MACROD2: variants seen among roughly 807,000 people sequenced by gnomAD.
MACROD2 encodes ADP-ribose glycohydrolase MACROD2.
MACROD2 carries 36 observed loss-of-function variants against 70.4 expected under a neutral mutation model. The observed-to-expected ratio is 0.51, with a 90% CI of 0.39 to 0.68. The LOEUF is 0.68. Among genes scored for constraint, MACROD2 ranks in the 30% least tolerant of loss-of-function variants. The pLI is 0.00. For synonymous variants in MACROD2, 172 were observed against 178.8 expected (o/e 0.96, Z 0.30); for missense variants, 496 against 538.4 (o/e 0.92, Z 0.78).
At chr20:14,250,403 A>T (rs1025995507) in intron 3 of MACROD2, among the ~76,000 whole-genome samples, 2 of 152,014 alleles carry the variant, frequency 1.3e-5, no homozygotes, top group African/African-American at 4.8e-5. Flanking sequence ...GATAACCATT[A>T]TTAATTTCTT....
At chr20:15,645,483 C>G (rs1296233835) in intron 8 of MACROD2, among the ~76,000 whole-genome samples, 1 of 152,142 alleles carries the variant, frequency 6.6e-6, no homozygotes, top group Non-Finnish European at 1.5e-5. Flanking sequence ...TCTGCAAATC[C>G]TTTTTCTCTG....
At chr20:14,938,341 C>G (rs2074359474) in intron 5 of MACROD2, among the ~76,000 whole-genome samples, 1 of 152,066 alleles carries the variant, frequency 6.6e-6, no homozygotes, top group African/African-American at 2.4e-5. Flanking sequence ...TTCTTTAGAT[C>G]CTTGTCAGCA....
chr20:14,666,230 A>C (rs2123548244), intron 4 of MACROD2, among the ~76,000 whole-genome samples: 1 of 152,300 alleles, frequency 6.6e-6, no homozygotes, highest in Admixed American at 6.5e-5. Flanking sequence ...AGAACTTACA[A>C]CAGGGTAAAA....
chr20:14,009,845 T>C (rs2052876214), intron 2 of MACROD2, among the ~76,000 whole-genome samples: 1 of 152,144 alleles, frequency 6.6e-6, no homozygotes, highest in Non-Finnish European at 1.5e-5. Flanking sequence ...TGGAAGCCAT[T>C]ATGCTCGACA....
intron 4 of MACROD2, among the ~76,000 whole-genome samples, chr20:14,532,425 G>A (rs1488727746): frequency 4.0e-5 from 6 of 150,290 alleles, no homozygotes; most frequent in Non-Finnish European, 3.0e-5. Context: ...GGGTTTCACC[G>A]TGTTAGCCAG....
intron 6 of MACROD2, among the ~76,000 whole-genome samples, chr20:15,311,575 C>T (rs551831763): frequency 1.2e-4 from 19 of 152,188 alleles, no homozygotes; most frequent in Admixed American, 6.5e-4. Context: ...AAACGTGGTA[C>T]GTATATACCA....
chr20:16,030,001 C>T (rs568604043), intron 15 of MACROD2, among the ~76,000 whole-genome samples: 2 of 152,260 alleles, frequency 1.3e-5, no homozygotes, highest in South Asian at 2.1e-4. Flanking sequence ...GAGCCACCTT[C>T]GCTCTCTGAC....
At chr20:14,679,695 A>G (rs113897736) in intron 4 of MACROD2, among the ~76,000 whole-genome samples, 2 of 152,124 alleles carry the variant, frequency 1.3e-5, no homozygotes, top group South Asian at 4.2e-4. Flanking sequence ...TTTTGAGCAT[A>G]GAATTGATAC....
chr20:16,035,130 TATATATTATATATTATATATAAAA>T (rs2067211270), intron 15 of MACROD2, among the ~76,000 whole-genome samples: 2 of 2,430 alleles, frequency 8.2e-4, no homozygotes, highest in Non-Finnish European at 3.1e-3. Context: ...TATAAAATAT[TATATATTATATATTATATATAAAA>T]TATAATATAA....
At chr20:15,790,524 G>C (rs2063614199) in intron 8 of MACROD2, among the ~76,000 whole-genome samples, 1 of 151,898 alleles carries the variant, frequency 6.6e-6, no homozygotes, top group Non-Finnish European at 1.5e-5. Context: ...AAATGAGCAA[G>C]AGTCAGATTA....
chr20:14,993,543 A>G (rs182689425), intron 5 of MACROD2, among the ~76,000 whole-genome samples: 12 of 152,328 alleles, frequency 7.9e-5, no homozygotes, highest in Non-Finnish European at 1.2e-4. Flanking sequence ...AGATAAAACA[A>G]TTATAAACTG....
chr20:15,432,695 G>A (rs2046377949), intron 7 of MACROD2, among the ~76,000 whole-genome samples: 1 of 150,978 alleles, frequency 6.6e-6, no homozygotes. Context: ...TTCTTTCATT[G>A]CAATCTTGAT....
intron 13 of MACROD2, among the ~76,000 whole-genome samples, chr20:15,977,093 C>T (rs1005731981): frequency 6.6e-6 from 1 of 152,086 alleles, no homozygotes; most frequent in South Asian, 2.1e-4. Flanking sequence ...TTGGCCTTTT[C>T]CCCTCTCTGG....
intron 3 of MACROD2, among the ~76,000 whole-genome samples, chr20:14,407,985 A>G (rs73901246): frequency 0.016 from 2,377 of 152,296 alleles, 60 homozygotes; most frequent in African/African-American, 0.053. Context: ...TGGAAAGAGC[A>G]GGCCCTGAAA....
intron 4 of MACROD2, among the ~76,000 whole-genome samples, chr20:14,649,402 T>G (rs1985560545): frequency 6.6e-6 from 1 of 152,164 alleles, no homozygotes; most frequent in Non-Finnish European, 1.5e-5. Flanking sequence ...TGATAGCAAT[T>G]TAAGTCTTCA....
intron 3 of MACROD2, among the ~76,000 whole-genome samples, chr20:14,487,086 A>G (rs527478092): frequency 1.3e-5 from 2 of 152,176 alleles, no homozygotes; most frequent in Non-Finnish European, 2.9e-5. Context: ...ATTCCTAAAG[A>G]TGAACATGGC....
intron 3 of MACROD2, among the ~76,000 whole-genome samples, chr20:14,219,576 T>C (rs2081652206): frequency 6.6e-6 from 1 of 152,202 alleles, no homozygotes; most frequent in Admixed American, 6.5e-5. Flanking sequence ...TGAACTAGTG[T>C]GATTTTTTGG....
chr20:15,621,985 C>T (rs986113586), intron 8 of MACROD2, among the ~76,000 whole-genome samples: 4 of 152,042 alleles, frequency 2.6e-5, no homozygotes, highest in Non-Finnish European at 5.9e-5. Context: ...AAGATAGATG[C>T]GCACTAACTG....
At chr20:14,280,539 A>G (rs1313776120) in intron 3 of MACROD2, among the ~76,000 whole-genome samples, 1 of 152,158 alleles carries the variant, frequency 6.6e-6, no homozygotes, top group Non-Finnish European at 1.5e-5. Flanking sequence ...GACTAGGACC[A>G]AGGATCTCTT....
Sources: gnomAD v4.1 joint callset for allele counts (sites outside exome capture counted in the v4.1 genomes callset) on GRCh38, gnomAD v4.1.1 for gene constraint, MANE v1.5 for transcripts, NCBI Gene and HGNC (gene_info 2026-07-23, HGNC 2026-07-21) for gene names.